The following SPATA7 variants were observed in gnomAD, a reference collection of about 807,000 sequenced individuals.
SPATA7 encodes the protein spermatogenesis associated 7.
In SPATA7, 43 loss-of-function variants were observed where a neutral mutation model predicts 51.8. The ratio of observed to expected loss-of-function variants is 0.83; its 90% confidence interval spans 0.65 to 1.07. The LOEUF (loss-of-function observed/expected upper bound fraction) is 1.07, where lower values mean the gene tolerates loss of function less well. Ranked by LOEUF, SPATA7 falls within the 50% of genes least tolerant of loss-of-function variation. The pLI is 0.00. For synonymous variants in SPATA7, 230 were observed against 252.8 expected, an observed-to-expected ratio of 0.91 and a Z score of 0.86; for missense variants, 683 against 701.3, an observed-to-expected ratio of 0.97 and a Z score of 0.30.
intron 4 of SPATA7, among the ~76,000 whole-genome samples, chr14:88,397,472 G>A (rs374879717): frequency 1.3e-5 from 2 of 152,088 alleles, no homozygotes; most frequent in African/African-American, 4.8e-5. Context: ...GTGAAACCCT[G>A]TCTCTTCAAA....
At chr14:88,426,004 G>T (rs539347887) in intron 5 of SPATA7, among the ~76,000 whole-genome samples, 3 of 151,972 alleles carry the variant, frequency 2.0e-5, no homozygotes, top group Non-Finnish European at 2.9e-5. Context: ...TCTTTTTTTC[G>T]TTTCAGAAAG....
Position 88,429,419 on chromosome 14 carries a change from A to G in SPATA7, c.984A>G (p.Thr328=), listed in dbSNP as rs773768918. The change falls in exon 8 of 12, where the codon ACA becomes ACG. Residue 328 remains threonine (T), a synonymous_variant. Transcript: ENST00000393545. The stretch of plus-strand genomic sequence containing the variant: ...TACCTTTAGAAGGGCATGACTCAAC[A>G]TGGGATGAGATTAAGGATGATGCTC... ...APLPLEGHDS[T]WDEIKDDALQ... is the part of the protein sequence containing the mutation. 1 of 1,612,890 alleles carries G rather than the reference A, an allele frequency of 6.2e-7. No individual in the cohort carries two copies. The highest frequency in any genetic ancestry group is 2.2e-5 in the East Asian group (1 of 44,768).
Position 88,426,326 on chromosome 14 carries a change from G to C in SPATA7, c.467G>C (p.Arg156Thr), listed in dbSNP as rs761416413. 12 of 1,613,916 alleles carry C rather than the reference G, an allele frequency of 7.4e-6. No homozygotes were observed. The Admixed American group carries it at 2.0e-4, about 27-fold the overall frequency. ...AGGTCACTAGTACCCTCTTCAGAGA[G>C]ACTACACCTAAGTCTACATAAATCC... is the stretch of plus-strand genomic sequence containing the variant. ...FARSLVPSSERLHLSLHKSSK... is the reference protein window; with the variant it reads ...FARSLVPSSETLHLSLHKSSK... Residue 156 changes from arginine (R) to threonine (T), a missense_variant, in exon 6 of 12, where the codon AGA becomes ACA. Coordinates refer to ENST00000393545, the MANE Select transcript of SPATA7 (RefSeq NM_018418.5).
At chr14:88,415,248 G>A in intron 4 of SPATA7, 1 of 362,796 alleles carries the variant, frequency 2.8e-6, no homozygotes, top group Non-Finnish European at 5.8e-6. Context: ...AGTGTTGGGT[G>A]CAAATATACC....
In SPATA7 at chr14:88,412,229, T is replaced by C. The variant is rs1412827810; in HGVS notation, c.239-4482T>C. On this transcript the variant is annotated intron_variant, in intron 4 of 11. Coordinates refer to ENST00000393545, the MANE Select transcript of SPATA7 (RefSeq NM_018418.5). ...TATTTGTTTTTCTTCTTGCTTTTTT[T>C]TTTTTTTTTAAGTTCCTCATAGATT... 2.7e-4 allele frequency among the ~76,000 whole-genome samples: 41 copies of C among 150,792 alleles called. No homozygotes were observed. The South Asian group carries it at 6.7e-3, about 24-fold the overall frequency.
intron 9 of SPATA7, 85 bp from the exon 10 acceptor site, chr14:88,433,050 T>C: frequency 9.9e-7 from 1 of 1,005,104 alleles, no homozygotes; most frequent in South Asian, 1.4e-5. Context: ...GAGATAGATA[T>C]TTCTAATTAG....
At chr14:88,445,542 G>C (rs2077206031) in intron 3 of SPATA7, among the ~76,000 whole-genome samples, 1 of 152,020 alleles carries the variant, frequency 6.6e-6, no homozygotes, top group Non-Finnish European at 1.5e-5. Flanking sequence ...AGTGGTGAGA[G>C]AGGGCATCCC....
downstream of SPATA7, among the ~76,000 whole-genome samples, chr14:88,440,582 T>C (rs2140034996): frequency 6.6e-6 from 1 of 152,270 alleles, no homozygotes; most frequent in East Asian, 1.9e-4. Context: ...TCTTTATATC[T>C]TCCCCTCTTC....
At position 88,463,028 on chromosome 14, in the gene SPATA7, G is replaced by A. The variant is rs192568700; in HGVS notation, c.255-6819G>A. 1.1e-3 allele frequency among the ~76,000 whole-genome samples: 162 copies of A among 152,272 alleles called. 2 individuals carry two copies. The East Asian group carries it at 0.023, about 22-fold the overall frequency. On this transcript the variant is annotated intron_variant, in intron 4 of 4. Coordinates refer to the SPATA7 transcript ENST00000556406. ...ATTTTTTAGAATACACATGGGTAAT[G>A]TCAACATTTTTGGAAATATGATGTG...
At chr14:88,396,936 G>A (rs1344933090) in intron 4 of SPATA7, among the ~76,000 whole-genome samples, 2 of 147,044 alleles carry the variant, frequency 1.4e-5, no homozygotes, top group Admixed American at 7.0e-5. Flanking sequence ...GCAGTGGAAC[G>A]ATCTCACCTC....
At chr14:88,455,257 T>C (rs1164706751) in exon 4 of SPATA7, 2 of 354,006 alleles carry the variant, frequency 5.6e-6, no homozygotes, top group African/African-American at 4.2e-5. Flanking sequence ...GCTGGCTAGT[T>C]TGGCAAGATG....
intron 4 of SPATA7, among the ~76,000 whole-genome samples, chr14:88,407,145 C>A (rs879788793): frequency 1.3e-5 from 2 of 152,080 alleles, no homozygotes; most frequent in Admixed American, 1.3e-4. Context: ...AATGGGATTC[C>A]TGGGTCAAAT....
In SPATA7 at chr14:88,452,293, A is replaced by G. The variant is rs544666500; in HGVS notation, c.178-2767A>G. Among the ~76,000 whole-genome samples, 7 of 152,326 alleles carry G rather than the reference A, an allele frequency of 4.6e-5. No individual in the cohort carries two copies. The South Asian group carries it at 1.2e-3, about 27-fold the overall frequency. ...TGATTCATCTTCAGGTCTTTCAGCC[A>G]TGGATACCAGCACCTGCTCAAGTGG... On this transcript the variant is annotated intron_variant, in intron 3 of 3. Transcript: ENST00000554802.
chr14:88,438,406 G>T lies in SPATA7; in HGVS notation c.1784G>T (p.Cys595Phe), dbSNP rs755370200. ...ATCATGGAAATGAGCATTGAGGACTGCCCTTTGGATGTTTAATCTTCATTA... is the reference window on the plus strand; with the variant it reads ...ATCATGGAAATGAGCATTGAGGACTTCCCTTTGGATGTTTAATCTTCATTA... ...LKIMEMSIED[C>F]PLDV The change falls in exon 12 of 12, where the codon TGC (cysteine) becomes TTC (phenylalanine). Residue 595 changes from cysteine (C) to phenylalanine (F), a missense_variant. By Grantham distance (205) the Cys-to-Phe change is radical. Transcript: ENST00000393545. 2 of 1,612,964 alleles carry T rather than the reference G, an allele frequency of 1.2e-6. No individual in the cohort carries two copies. The highest frequency in any genetic ancestry group is 1.7e-6 in the Non-Finnish European group (2 of 1,179,106).
chr14:88,429,283 GTTATA>G (rs2076877126), intron 7 of SPATA7, 60 bp from the exon 8 acceptor site: 9 of 878,944 alleles, frequency 1.0e-5, no homozygotes, highest in African/African-American at 1.7e-5. Context: ...AATTTGCTGT[GTTATA>G]TTCTGCTTTC....
At chr14:88,430,623 C>T (rs927802285) in intron 8 of SPATA7, among the ~76,000 whole-genome samples, 2 of 152,016 alleles carry the variant, frequency 1.3e-5, no homozygotes, top group Non-Finnish European at 2.9e-5. Context: ...GTCAAATTGT[C>T]ATTGTTTATA....
At chr14:88,401,269 G>T (rs1386983512) in intron 4 of SPATA7, among the ~76,000 whole-genome samples, 2 of 152,102 alleles carry the variant, frequency 1.3e-5, no homozygotes, top group African/African-American at 2.4e-5. Context: ...CTCAATACAT[G>T]CAGAAAAACC....
At chr14:88,406,024 C>T (rs931936152) in intron 4 of SPATA7, among the ~76,000 whole-genome samples, 2 of 152,064 alleles carry the variant, frequency 1.3e-5, no homozygotes, top group South Asian at 2.1e-4. Context: ...TTATAATCAC[C>T]AAGTTAAGTG....
intron 4 of SPATA7, among the ~76,000 whole-genome samples, chr14:88,411,470 T>C (rs1002668097): frequency 6.6e-6 from 1 of 152,134 alleles, no homozygotes; most frequent in African/African-American, 2.4e-5. Context: ...CCACCCAGTT[T>C]TGTGCTTGAA....
Sources: allele counts gnomAD v4.1 joint callset (sites outside exome capture counted in the v4.1 genomes callset), GRCh38; gene constraint gnomAD v4.1.1; transcripts MANE v1.5; gene names NCBI Gene and HGNC (gene_info 2026-07-23, HGNC 2026-07-21).